The following XXYLT1 variants were observed in gnomAD, a reference collection of about 807,000 sequenced individuals.
The protein encoded by XXYLT1 is UDP-xylose:alpha-xyloside alpha-1,3-xylosyltransferase.
In XXYLT1, 20 loss-of-function variants were observed where a neutral mutation model predicts 28.9. The observed-to-expected ratio is 0.69, with a 90% CI of 0.49 to 1.00. XXYLT1 has a LOEUF of 1.00. Ranked by LOEUF, XXYLT1 falls within the 50% of genes least tolerant of loss-of-function variation. The pLI is 0.00. For missense variants in XXYLT1, 542 were observed against 560.1 expected (o/e 0.97, Z 0.33); for synonymous variants, 257 against 253.8 (o/e 1.01, Z -0.12).
At chr3:195,104,068 G>A (rs1054271160) in intron 3 of XXYLT1, among the ~76,000 whole-genome samples, 1 of 152,142 alleles carries the variant, frequency 6.6e-6, no homozygotes, top group Non-Finnish European at 1.5e-5. Context: ...ACATACAGAT[G>A]GACCCACAGT....
intron 3 of XXYLT1, among the ~76,000 whole-genome samples, chr3:195,102,728 G>T (rs1716860947): frequency 6.6e-6 from 1 of 152,062 alleles, no homozygotes; most frequent in Admixed American, 6.6e-5. Context: ...AGACATTTAG[G>T]TTCTTTCCGT....
intron 2 of XXYLT1, among the ~76,000 whole-genome samples, chr3:195,186,713 T>C (rs1722211973): frequency 2.6e-5 from 4 of 152,066 alleles, no homozygotes; most frequent in Admixed American, 2.0e-4. Context: ...TTAATGTCTA[T>C]CTTCACTGTA....
At chr3:195,199,397 G>A (rs1722758222) in intron 2 of XXYLT1, among the ~76,000 whole-genome samples, 1 of 152,106 alleles carries the variant, frequency 6.6e-6, no homozygotes, top group African/African-American at 2.4e-5. Flanking sequence ...GGATCACAAG[G>A]TCAGGAGATC....
chr3:195,213,074 A>C (rs1723398709), intron 2 of XXYLT1, among the ~76,000 whole-genome samples: 1 of 152,204 alleles, frequency 6.6e-6, no homozygotes, highest in Non-Finnish European at 1.5e-5. Context: ...CTGGAAGTAC[A>C]ACCAAGTAAG....
rs192068422 is a variant in XXYLT1 at position 195,203,853 on chromosome 3, C to T, written c.652+22856G>A. ...TTGGGGACACATTAGTCAAGTCAGC[C>T]CCCGGAACAGAGGCTGAGACGAAGG... On this transcript the variant is annotated intron_variant, in intron 2 of 3. Coordinates refer to ENST00000310380, the MANE Select transcript of XXYLT1 (RefSeq NM_152531.5). Among the ~76,000 whole-genome samples the T allele has an allele frequency of 3.9e-5, 6 of 152,246 alleles. No homozygotes were observed. In the East Asian group the frequency reaches 1.2e-3, roughly 29 times the overall value.
intron 3 of XXYLT1, among the ~76,000 whole-genome samples, chr3:195,109,547 GGT>G (rs150076566): frequency 4.9e-5 from 7 of 141,980 alleles, no homozygotes; most frequent in Non-Finnish European, 7.6e-5. Flanking sequence ...ATGTGTAGGG[GGT>G]GTGTGTGTGC....
At position 195,255,370 on chromosome 3, in the gene XXYLT1, C is replaced by T. The variant is rs1182091780; in HGVS notation, c.504+15185G>A. On this transcript the variant is annotated intron_variant, in intron 1 of 3. Transcript: ENST00000310380. The surrounding 1 kb of genome is among the most constrained non-coding windows in gnomAD (Gnocchi z 4.5). ...CACGAGCTCAGCCCCCAGCAGGACC[C>T]AGTCGGGCTGGGGACTCAGCTCCAT... Among the ~76,000 whole-genome samples, 1 of 152,192 alleles carries T rather than the reference C, an allele frequency of 6.6e-6. No individual in the cohort carries two copies. Among genetic ancestry groups the T allele is most frequent in the Non-Finnish European group, 1.5e-5 (1 of 68,022 alleles).
rs4677807 is a variant in XXYLT1 at position 195,115,686 on chromosome 3, G to A, written c.785+40763C>T. ...AGCAGTAACCCCCTCGTCTGGCTCC[G>A]GCAGCACACCGTGTGCGCTCTCACC... On this transcript the variant is annotated intron_variant, in intron 3 of 3. Transcript: ENST00000310380. The surrounding 1 kb of genome is among the most constrained non-coding windows in gnomAD (Gnocchi z 4.2). Among the ~76,000 whole-genome samples, 28,272 of 152,170 alleles carry A rather than the reference G, an allele frequency of 0.19. 2,776 individuals carry two copies. The highest frequency in any genetic ancestry group is 0.27 in the African/African-American group (11,194 of 41,488).
intron 2 of XXYLT1, chr3:195,183,665 T>C (rs984305150): frequency 2.6e-5 from 4 of 152,150 alleles, no homozygotes; most frequent in Admixed American, 6.5e-5. Flanking sequence ...TTTTCAGGAA[T>C]CCAGGGGACT....
chr3:195,270,568 C>A lies in XXYLT1; in HGVS notation c.491G>T (p.Gly164Val). Residue 164 changes from glycine (G) to valine (V), a missense_variant, in exon 1 of 4, where the codon GGC (glycine) becomes GTC (valine). Gly to Val is a moderately radical substitution (Grantham distance 109, BLOSUM62 -3). Coordinates refer to ENST00000310380, the MANE Select transcript of XXYLT1 (RefSeq NM_152531.5). ...LLRELLPPAA[G>V]FKCKVIFHDV... ...CGGCCCGCTCACCTTGCACTTGAAG[C>A]CAGCGGCGGGCGGCAGGAGCTCCCG... 1 of 1,394,646 alleles carries A rather than the reference C, an allele frequency of 7.2e-7. No homozygotes were observed. 86.4% of individuals were successfully genotyped at this position (1,394,646 alleles called of 1,614,324 possible). A position where few individuals can be genotyped will look rare whatever the true frequency, so the allele number is the denominator to read the frequency against.
chr3:195,105,908 C>CCTTA (rs542868912), intron 3 of XXYLT1, among the ~76,000 whole-genome samples: 10 of 152,334 alleles, frequency 6.6e-5, no homozygotes, highest in Admixed American at 3.3e-4. Flanking sequence ...CCCCACCTTC[C>CCTTA]CTTACTCTCA....
chr3:195,088,084 G>A (rs531739781), intron 3 of XXYLT1, among the ~76,000 whole-genome samples: 2 of 152,002 alleles, frequency 1.3e-5, no homozygotes, highest in East Asian at 3.9e-4. Context: ...AGATCAAACT[G>A]CAAGGTGGCA....
At chr3:195,201,959 A>G (rs889669561) in intron 2 of XXYLT1, among the ~76,000 whole-genome samples, 3 of 152,154 alleles carry the variant, frequency 2.0e-5, no homozygotes, top group South Asian at 4.1e-4. Context: ...TGGGCGGATC[A>G]TGAGGTCAGA....
At chr3:195,172,866 A>G (rs1721478315) in intron 2 of XXYLT1, among the ~76,000 whole-genome samples, 1 of 152,218 alleles carries the variant, frequency 6.6e-6, no homozygotes, top group Admixed American at 6.5e-5. Flanking sequence ...CAAGGAATGC[A>G]TTTAGCACAT....
chr3:195,186,047 C>A (rs1007900835), intron 2 of XXYLT1, among the ~76,000 whole-genome samples: 2 of 152,196 alleles, frequency 1.3e-5, no homozygotes, highest in African/African-American at 4.8e-5. Context: ...GGCCACTGTG[C>A]TCCTAAGTGC....
chr3:195,117,440 G>A (rs900590987), intron 3 of XXYLT1, among the ~76,000 whole-genome samples: 3 of 152,196 alleles, frequency 2.0e-5, no homozygotes, highest in South Asian at 2.1e-4. Context: ...GCAACATGCA[G>A]TAAATTTGAT....
At chr3:195,139,115 A>T (rs1719351146) in intron 3 of XXYLT1, among the ~76,000 whole-genome samples, 1 of 152,108 alleles carries the variant, frequency 6.6e-6, no homozygotes, top group Admixed American at 6.6e-5. Flanking sequence ...CGGCTTTTAA[A>T]ATTAGTCCAA....
At position 195,270,613 on chromosome 3, in the gene XXYLT1, T is replaced by A. The variant is rs769583711; in HGVS notation, c.446A>T (p.Glu149Val). The change falls in exon 1 of 4, where the codon GAG becomes GTG. Residue 149 changes from glutamate to valine, a missense_variant. Transcript: ENST00000310380. ...LHFVSEEASR[E>V]VAKGLLRELL... is the part of the protein sequence containing the mutation. ...CTCCCGCAGCAGGCCCTTGGCCACC[T>A]CGCGGCTGGCCTCCTCGCTCACGAA... The A allele has an allele frequency of 6.7e-7, 1 of 1,488,748 alleles. No homozygotes were observed. Among genetic ancestry groups the A allele is most frequent in the Non-Finnish European group, 8.9e-7 (1 of 1,119,860 alleles). 92.2% of individuals were successfully genotyped at this position (1,488,748 alleles called of 1,614,324 possible).
intron 1 of XXYLT1, among the ~76,000 whole-genome samples, chr3:195,260,388 C>T (rs1454109956): frequency 6.6e-6 from 1 of 152,190 alleles, no homozygotes; most frequent in Non-Finnish European, 1.5e-5. Flanking sequence ...CATCCCGGAG[C>T]ACAGGACAAA....
Sources: gnomAD v4.1 joint callset for allele counts (sites outside exome capture counted in the v4.1 genomes callset) on GRCh38, gnomAD v4.1.1 for gene constraint, Gnocchi (gnomAD v3.1) non-coding constraint, MANE v1.5 for transcripts, NCBI Gene and HGNC (gene_info 2026-07-23, HGNC 2026-07-21) for gene names.